RIMS1: variants seen among roughly 807,000 people sequenced by gnomAD.
RIMS1 encodes regulating synaptic membrane exocytosis 1, also known as regulating synaptic membrane exocytosis protein 1.
In RIMS1, 83 loss-of-function variants were observed where a neutral mutation model predicts 214.1. That is an observed-to-expected ratio of 0.39 (90% confidence interval 0.32 to 0.47). The LOEUF is 0.47. Among genes scored for constraint, RIMS1 ranks in the 20% least tolerant of loss-of-function variants. The pLI is 0.99. For missense variants in RIMS1, 2,050 were observed against 2,161.8 expected (o/e 0.95, Z 1.03); for synonymous variants, 793 against 786.8 (o/e 1.01, Z -0.13).
intron 6 of RIMS1, among the ~76,000 whole-genome samples, chr6:72,210,815 C>G (rs977280741): frequency 6.6e-6 from 1 of 152,096 alleles, no homozygotes; most frequent in Non-Finnish European, 1.5e-5. Flanking sequence ...AGGCACAGAC[C>G]TGTTCTATGT....
At chr6:72,145,606 A>G (rs1048159872) in intron 4 of RIMS1, among the ~76,000 whole-genome samples, 1 of 152,106 alleles carries the variant, frequency 6.6e-6, no homozygotes, top group African/African-American at 2.4e-5. Context: ...GTGAGACTCC[A>G]TCTCAAAAAA....
At chr6:72,283,481 TG>T (rs1347125500) in intron 23 of RIMS1, among the ~76,000 whole-genome samples, 2 of 152,160 alleles carry the variant, frequency 1.3e-5, no homozygotes, top group African/African-American at 4.8e-5. Flanking sequence ...AGCATCTTTA[TG>T]AAAAATTTTA....
chr6:72,178,682 T>C (rs1358779294), intron 4 of RIMS1, among the ~76,000 whole-genome samples: 1 of 152,242 alleles, frequency 6.6e-6, no homozygotes, highest in African/African-American at 2.4e-5. Flanking sequence ...AGACAGCTCA[T>C]GGAGCTGTTA....
chr6:72,334,296 G>A (rs1357083422), intron 29 of RIMS1, among the ~76,000 whole-genome samples: 1 of 151,752 alleles, frequency 6.6e-6, no homozygotes, highest in Admixed American at 6.6e-5. Flanking sequence ...AACTGTACTT[G>A]CTATAGTTTC....
chr6:71,945,717 A>G (rs573151040), intron 1 of RIMS1, among the ~76,000 whole-genome samples: 155 of 151,898 alleles, frequency 1.0e-3, no homozygotes, highest in Admixed American at 1.8e-3. Context: ...GGAAAGGAAG[A>G]AGTTAAATTG....
intron 2 of RIMS1, among the ~76,000 whole-genome samples, chr6:71,973,795 TGGGAGC>T: frequency 6.6e-6 from 1 of 152,152 alleles, no homozygotes; most frequent in Admixed American, 6.5e-5. Context: ...AATAGGAAGC[TGGGAGC>T]TGTCTTAGAA....
chr6:72,137,625 A>C (rs2041484432), intron 4 of RIMS1, among the ~76,000 whole-genome samples: 2 of 151,394 alleles, frequency 1.3e-5, no homozygotes, highest in South Asian at 4.1e-4. Flanking sequence ...TTAAATATAT[A>C]TATATATTCC....
rs945940699 is a variant in RIMS1, at chr6:72,164,094, G to A, written c.472-15481G>A. Among the ~76,000 whole-genome samples the A allele has an allele frequency of 4.6e-5, 7 of 152,194 alleles. No individual in the cohort carries two copies. The East Asian group carries it at 7.7e-4, about 17-fold the overall frequency. ...CATACTCAAGCCTTGGCAATGGTGGGCGCCCCTCCCCCAGTCTCGCTGCTG... is the reference window on the plus strand; with the variant it reads ...CATACTCAAGCCTTGGCAATGGTGGACGCCCCTCCCCCAGTCTCGCTGCTG... On this transcript the variant is annotated intron_variant, in intron 4 of 33. Transcript: ENST00000521978.
At chr6:72,360,708 A>T (rs1595175640) in intron 29 of RIMS1, among the ~76,000 whole-genome samples, 1 of 144,904 alleles carries the variant, frequency 6.9e-6, no homozygotes. Flanking sequence ...TGTATACTAT[A>T]TTTTTTTTAC....
chr6:72,031,976 A>G (rs62409476), intron 2 of RIMS1, among the ~76,000 whole-genome samples: 1 of 152,182 alleles, frequency 6.6e-6, no homozygotes, highest in Non-Finnish European at 1.5e-5. Flanking sequence ...AATGTAAAGT[A>G]TTGGCTTTAA....
intron 29 of RIMS1, among the ~76,000 whole-genome samples, chr6:72,376,213 A>G (rs973837109): frequency 1.3e-5 from 2 of 152,212 alleles, no homozygotes; most frequent in African/African-American, 4.8e-5. Flanking sequence ...TCATTACAAT[A>G]TGTGCTAGCA....
At position 72,251,091 on chromosome 6, in the gene RIMS1, A is replaced by G. The variant is rs2073079421; in HGVS notation, c.2543A>G (p.Glu848Gly). Residue 848 changes from glutamate (E) to glycine (G), a missense_variant and splice_region_variant, in exon 14 of 34, where the codon GAG becomes GGG. Physicochemically the swap from Glu to Gly is moderately conservative, Grantham distance 98. Around this residue, in one of 6 missense-constraint regions of RIMS1, gnomAD observed 889 missense variants for 885.5 expected, o/e 1.00. Transcript: ENST00000521978. ...GAAGAAGAAAGTGAATTTCTTGGAGAGGTGATGTATATTTTAAAAACTCAA... is the reference window on the plus strand; with the variant it reads ...GAAGAAGAAAGTGAATTTCTTGGAGGGGTGATGTATATTTTAAAAACTCAA... ...VQEEESEFLG[E>G]ILIELETALL... 2 of 1,576,956 alleles carry G rather than the reference A, an allele frequency of 1.3e-6. No individual in the cohort carries two copies. The highest frequency in any genetic ancestry group is 1.7e-6 in the Non-Finnish European group (2 of 1,160,240).
chr6:72,149,244 G>A (rs1588079888), intron 4 of RIMS1, among the ~76,000 whole-genome samples: 1 of 152,114 alleles, frequency 6.6e-6, no homozygotes, highest in South Asian at 2.1e-4. Flanking sequence ...TAATATCTGT[G>A]TAGTTTGCAA....
intron 29 of RIMS1, among the ~76,000 whole-genome samples, chr6:72,338,849 AAGAGAGAGAGAGAGAG>A (rs59731805): frequency 6.4e-4 from 89 of 138,756 alleles, no homozygotes; most frequent in East Asian, 6.0e-3. Context: ...CCAACTTGTG[AAGAGAGAGAGAGAGAG>A]AGAGAGAGAG....
At chr6:72,164,606 G>C (rs1412359185) in intron 4 of RIMS1, among the ~76,000 whole-genome samples, 1 of 152,074 alleles carries the variant, frequency 6.6e-6, no homozygotes, top group East Asian at 1.9e-4. Flanking sequence ...TTATTCTACT[G>C]ATGGTTTGCA....
At chr6:71,905,288 A>T (rs1774937336) in intron 1 of RIMS1, among the ~76,000 whole-genome samples, 1 of 152,116 alleles carries the variant, frequency 6.6e-6, no homozygotes, top group Non-Finnish European at 1.5e-5. Flanking sequence ...AAAAATTAAG[A>T]CAAACAACTT....
At chr6:72,325,082 C>T (rs1241982584) in intron 28 of RIMS1, among the ~76,000 whole-genome samples, 3 of 151,826 alleles carry the variant, frequency 2.0e-5, no homozygotes, top group Non-Finnish European at 4.4e-5. Context: ...CCAGGTAGAT[C>T]CTGATAATTA....
At chr6:72,104,690 T>C (rs1160742306) in intron 4 of RIMS1, among the ~76,000 whole-genome samples, 1 of 152,124 alleles carries the variant, frequency 6.6e-6, no homozygotes, top group African/African-American at 2.4e-5. Context: ...GTGGCTCAAG[T>C]CTCTTGCTGT....
chr6:72,256,057 G>A (rs2075709550), intron 16 of RIMS1, among the ~76,000 whole-genome samples: 1 of 149,856 alleles, frequency 6.7e-6, no homozygotes, highest in South Asian at 2.1e-4. Flanking sequence ...TTTAATCCCA[G>A]TCATGGTTCT....
Sources: gnomAD v4.1 joint callset for allele counts (sites outside exome capture counted in the v4.1 genomes callset) on GRCh38, gnomAD v4.1.1 for gene constraint, gnomAD v4.1.1 regional missense constraint, MANE v1.5 for transcripts, NCBI Gene and HGNC (gene_info 2026-07-23, HGNC 2026-07-21) for gene names.